Variants in FRRS1 observed in about 807,000 individuals in gnomAD.
The protein encoded by FRRS1 is ferric chelate reductase 1.
A neutral mutation model predicts 70.7 loss-of-function variants in FRRS1; 51 were observed. The observed-to-expected ratio is 0.72, with a 90% CI of 0.58 to 0.91. The LOEUF (loss-of-function observed/expected upper bound fraction) is 0.91, where lower values mean the gene tolerates loss of function less well. FRRS1 is among the 40% of genes least tolerant of loss of function. FRRS1 has a pLI of 0.00. For synonymous variants in FRRS1, 225 were observed against 238.7 expected (o/e 0.94, Z 0.53); for missense variants, 672 against 726.0 (o/e 0.93, Z 0.86).
At chr1:99,736,772 T>TAA (rs57898482) in intron 7 of FRRS1, among the ~76,000 whole-genome samples, 2 of 144,082 alleles carry the variant, frequency 1.4e-5, no homozygotes, top group African/African-American at 5.1e-5. Context: ...AGTGTACTAA[T>TAA]AATAAAATAA....
At chr1:99,730,000 T>C (rs905497951) in intron 7 of FRRS1, among the ~76,000 whole-genome samples, 4 of 152,208 alleles carry the variant, frequency 2.6e-5, no homozygotes, top group African/African-American at 9.7e-5. Flanking sequence ...ATATAACATG[T>C]TTATATGTTC....
At chr1:99,725,431 G>C (rs1389527714) in intron 9 of FRRS1, among the ~76,000 whole-genome samples, 1 of 152,188 alleles carries the variant, frequency 6.6e-6, no homozygotes, top group Non-Finnish European at 1.5e-5. Flanking sequence ...CCCCATCCTA[G>C]AGCAGTAAGT....
intron 11 of FRRS1, among the ~76,000 whole-genome samples, chr1:99,716,288 G>GTGGA (rs1057120919): frequency 2.6e-5 from 4 of 152,162 alleles, no homozygotes; most frequent in Non-Finnish European, 5.9e-5. Flanking sequence ...GGATAGATGG[G>GTGGA]TGGATGGATG....
At chr1:99,737,894 C>T (rs1169627040) in intron 7 of FRRS1, among the ~76,000 whole-genome samples, 192 bp downstream of exon 7, 1 of 152,190 alleles carries the variant, frequency 6.6e-6, no homozygotes, top group Non-Finnish European at 1.5e-5. Context: ...AAGCGCCCGC[C>T]ACGACGCTAG....
At chr1:99,746,282 G>A (rs1006877221) in intron 4 of FRRS1, among the ~76,000 whole-genome samples, 2 of 152,154 alleles carry the variant, frequency 1.3e-5, no homozygotes, top group African/African-American at 4.8e-5. Context: ...CGATGGAAAC[G>A]ATTGTCAACG....
At chr1:99,722,390 T>C (rs1393104091) in intron 9 of FRRS1, among the ~76,000 whole-genome samples, 1 of 152,162 alleles carries the variant, frequency 6.6e-6, no homozygotes, top group East Asian at 1.9e-4. Context: ...ACTACGCATG[T>C]GTACATTCAC....
rs1266635090 is a variant in FRRS1, at chr1:99,712,117, T to C, written c.1468A>G (p.Arg490Gly). ...WTHWSMGTAA[R>G]IIAVAAMFLG... is the part of the protein sequence containing the mutation. ...CACAATCTCTTACCTGCTATTATTC[T>C]AGCAGCTGTTCCCATACTCCAATGA... The change falls in exon 14 of 17, where the codon AGA (arginine) becomes GGA (glycine). Residue 490 changes from arginine to glycine, a missense_variant. By Grantham distance (125) the Arg-to-Gly change is moderately radical (BLOSUM62 -2). Coordinates refer to ENST00000646001, the MANE Select transcript of FRRS1 (RefSeq NM_001361041.2). 7 of 1,607,692 alleles carry C rather than the reference T, an allele frequency of 4.4e-6. No homozygotes were observed. Among genetic ancestry groups the C allele is most frequent in the Non-Finnish European group, 8.5e-7 (1 of 1,175,184 alleles).
chr1:99,764,641 C>T (rs1172981), intron 1 of FRRS1, among the ~76,000 whole-genome samples: 30,799 of 152,080 alleles, frequency 0.2, 5,728 homozygotes, highest in African/African-American at 0.49. Context: ...TATCACAGAC[C>T]TAGGTTTGAA....
At chr1:99,747,647 C>T (rs1371853005) in intron 3 of FRRS1, 6 of 480,454 alleles carry the variant, frequency 1.2e-5, no homozygotes, top group Non-Finnish European at 1.8e-5. Flanking sequence ...AATAGCCATT[C>T]CGCAAAGAGA....
chr1:99,729,689 G>T lies in FRRS1; in HGVS notation c.819C>A (p.Ser273=). The change falls in exon 8 of 17, where the codon TCC becomes TCA. Residue 273 remains serine (S), a synonymous_variant. Transcript: ENST00000646001. ...HEDQTVYIQP[S]HLTGRSHPVM... ...CAGGGTGACTTCGCCCCGTTAAATG[G>T]GAAGGCTGGATGTACACAGTCTGAT... 1.2e-6 allele frequency: 2 copies of T among 1,613,620 alleles called. No homozygotes were observed. Among genetic ancestry groups the T allele is most frequent in the Non-Finnish European group, 1.7e-6 (2 of 1,179,644 alleles).
rs1054569778 is a variant in FRRS1, at chr1:99,706,940, TAA to T, written c.*2086_*2087del. ...TCTTTGTCAGATGTAGAATATAACT[TAA>T]GAGAAATTTATTAACATTTAAGCTC... On this transcript the variant is annotated 3_prime_UTR_variant, in exon 17 of 17. Transcript: ENST00000646001. Among the ~76,000 whole-genome samples the T allele has an allele frequency of 2.0e-5, 3 of 152,046 alleles. No homozygotes were observed. The highest frequency in any genetic ancestry group is 2.9e-5 in the Non-Finnish European group (2 of 68,006).
chr1:99,721,745 C>G (rs1654837925), intron 9 of FRRS1, among the ~76,000 whole-genome samples: 1 of 151,728 alleles, frequency 6.6e-6, no homozygotes, highest in Non-Finnish European at 1.5e-5. Flanking sequence ...ATTACAGGAG[C>G]CTGCCACTGC....
intron 12 of FRRS1, among the ~76,000 whole-genome samples, chr1:99,715,145 C>G (rs1371681019): frequency 6.6e-6 from 1 of 152,156 alleles, no homozygotes. Context: ...GTGTGAACCA[C>G]CACACCCAGC....
intron 11 of FRRS1, among the ~76,000 whole-genome samples, 153 bp from the exon 12 acceptor site, chr1:99,715,825 A>G (rs959945706): frequency 8.6e-5 from 12 of 139,074 alleles, no homozygotes; most frequent in Admixed American, 7.0e-5. Context: ...CCAGGTTAAG[A>G]AAAAAAAAAA....
intron 12 of FRRS1, 144 bp from the exon 13 acceptor site, chr1:99,712,659 C>G: frequency 1.8e-6 from 1 of 545,448 alleles, no homozygotes; most frequent in Non-Finnish European, 3.3e-6. Context: ...TAATATGCAA[C>G]ATTCACTGAG....
At chr1:99,753,169 C>T (rs1656654948) in intron 1 of FRRS1, among the ~76,000 whole-genome samples, 1 of 150,640 alleles carries the variant, frequency 6.6e-6, no homozygotes, top group Admixed American at 6.6e-5. Flanking sequence ...GCTACAATCA[C>T]ACCACTGCAC....
In FRRS1 at chr1:99,708,848, A is replaced by C; in HGVS notation, c.*180T>G. 1 of 1,284,448 alleles carries C rather than the reference A, an allele frequency of 7.8e-7. No homozygotes were observed. Among genetic ancestry groups the C allele is most frequent in the African/African-American group, 1.5e-5 (1 of 67,864 alleles). 79.6% of individuals were successfully genotyped at this position (1,284,448 alleles called of 1,614,324 possible). ...AGGGCATGACATTAATTTATAGTCTATATGACCCTCTTGAATGTTGTTCTC... is the reference window on the plus strand; with the variant it reads ...AGGGCATGACATTAATTTATAGTCTCTATGACCCTCTTGAATGTTGTTCTC... On this transcript the variant is annotated 3_prime_UTR_variant, in exon 17 of 17. Coordinates refer to ENST00000646001, the MANE Select transcript of FRRS1 (RefSeq NM_001361041.2).
intron 13 of FRRS1, 61 bp from the exon 14 acceptor site, chr1:99,712,224 T>C: frequency 8.5e-7 from 1 of 1,172,256 alleles, no homozygotes; most frequent in Admixed American, 1.9e-5. Context: ...TAATTCCCAC[T>C]AGAATAAAAA....
intron 7 of FRRS1, among the ~76,000 whole-genome samples, chr1:99,732,642 T>C (rs961524575): frequency 1.3e-5 from 2 of 152,198 alleles, no homozygotes; most frequent in Middle Eastern, 6.8e-3. Context: ...GATATAGAAA[T>C]ATGAAAATTT....
Sources: gnomAD v4.1 joint callset for allele counts (sites outside exome capture counted in the v4.1 genomes callset) on GRCh38, gnomAD v4.1.1 for gene constraint, MANE v1.5 for transcripts, NCBI Gene and HGNC (gene_info 2026-07-23, HGNC 2026-07-21) for gene names.